Variants in RBFOX2 observed in about 807,000 individuals in gnomAD.
The protein encoded by RBFOX2 is RNA binding fox-1 homolog 2, also known as RNA binding protein fox-1 homolog 2.
Under a neutral mutation model 49.1 loss-of-function variants are expected in RBFOX2, and 10 were observed. The ratio of observed to expected loss-of-function variants is 0.20; its 90% CI spans 0.13 to 0.35. The LOEUF (loss-of-function observed/expected upper bound fraction) is 0.35, where lower values mean the gene tolerates loss of function less well. RBFOX2 is among the 10% of genes least tolerant of loss of function. The pLI, the probability that RBFOX2 is intolerant of heterozygous loss-of-function variation, is 1.00. For missense variants in RBFOX2, 323 were observed against 486.9 expected (o/e 0.66, Z 3.17); for synonymous variants, 183 against 187.4 (o/e 0.98, Z 0.19).
At chr22:36,028,511 GGCGGGCGCGCGCCTGCCCCCGCCCCC>G (rs1392686448) in exon 1 of RBFOX2, 7 of 1,030,558 alleles carry the variant, frequency 6.8e-6, no homozygotes, top group Non-Finnish European at 8.1e-6. Flanking sequence ...TGTCGCGACA[GGCGGGCGCGCGCCTGCCCCCGCCCCC>G]GCGTGCGTGC....
intron 1 of RBFOX2, among the ~76,000 whole-genome samples, chr22:35,884,333 C>A (rs1459828315): frequency 1.3e-5 from 2 of 152,218 alleles, no homozygotes; most frequent in East Asian, 3.9e-4. Flanking sequence ...CATTTTCAAT[C>A]ACAGTAGCTT....
chr22:36,001,229 ACACACT>A (rs964606216), intron 1 of RBFOX2, among the ~76,000 whole-genome samples: 5 of 113,916 alleles, frequency 4.4e-5, no homozygotes, highest in South Asian at 2.7e-4. Context: ...ACACACACAC[ACACACT>A]ATATGTATAT....
intron 1 of RBFOX2, among the ~76,000 whole-genome samples, chr22:35,917,503 A>C (rs924392976): frequency 4.5e-4 from 69 of 152,382 alleles, no homozygotes; most frequent in African/African-American, 1.6e-3. Flanking sequence ...TAGCAGGCAT[A>C]GAGTTGACAA....
At chr22:35,767,539 G>A (rs1051329675) in intron 5 of RBFOX2, among the ~76,000 whole-genome samples, 1 of 152,088 alleles carries the variant, frequency 6.6e-6, no homozygotes, top group East Asian at 1.9e-4. Flanking sequence ...ATTGGGAAAG[G>A]GGAAAGGAGC....
intron 2 of RBFOX2, among the ~76,000 whole-genome samples, chr22:35,796,757 T>A (rs1948861616): frequency 6.6e-6 from 1 of 152,222 alleles, no homozygotes; most frequent in Non-Finnish European, 1.5e-5. Context: ...TACGGAGCTC[T>A]TTCAAATGTG....
chr22:35,963,100 G>T (rs1289086857), upstream of RBFOX2, among the ~76,000 whole-genome samples: 2 of 83,744 alleles, frequency 2.4e-5, no homozygotes, highest in African/African-American at 4.9e-5. Flanking sequence ...CAGGAAAGAA[G>T]AATAATTTAG....
chr22:35,818,959 T>C (rs369542535), intron 1 of RBFOX2, among the ~76,000 whole-genome samples: 9 of 152,200 alleles, frequency 5.9e-5, no homozygotes, highest in East Asian at 1.9e-4. Flanking sequence ...GATATACATA[T>C]AGTAACAGAG....
chr22:35,756,641 A>G (rs73411985), intron 9 of RBFOX2, among the ~76,000 whole-genome samples: 7,366 of 152,208 alleles, frequency 0.048, 609 homozygotes, highest in African/African-American at 0.16. Context: ...TTTTTACATT[A>G]CGTTTAAGTA....
intron 1 of RBFOX2, among the ~76,000 whole-genome samples, chr22:35,928,005 T>C (rs1038229251): frequency 1.3e-5 from 2 of 152,230 alleles, no homozygotes; most frequent in Non-Finnish European, 2.9e-5. Flanking sequence ...TTATGGCCTC[T>C]TTTCCATAAA....
chr22:35,928,245 T>C (rs1278751567), intron 1 of RBFOX2, among the ~76,000 whole-genome samples: 2 of 152,146 alleles, frequency 1.3e-5, no homozygotes, highest in East Asian at 3.9e-4. Context: ...TGTGTCTGTG[T>C]CTGTTGGGGG....
At chr22:36,022,414 GT>G (rs1210918809) in intron 1 of RBFOX2, among the ~76,000 whole-genome samples, 8 of 152,212 alleles carry the variant, frequency 5.3e-5, no homozygotes, top group Non-Finnish European at 8.8e-5. Flanking sequence ...ATGGGAGGGA[GT>G]TGGGAGACAA....
chr22:35,774,462 T>A (rs1353794857), intron 4 of RBFOX2, among the ~76,000 whole-genome samples: 1 of 152,158 alleles, frequency 6.6e-6, no homozygotes, highest in Non-Finnish European at 1.5e-5. Context: ...TCTATCTCTG[T>A]TTCAGTTAAT....
upstream of RBFOX2, among the ~76,000 whole-genome samples, chr22:35,842,632 C>T (rs2040651229): frequency 6.6e-6 from 1 of 152,098 alleles, no homozygotes; most frequent in South Asian, 2.1e-4. Context: ...TCTGAATCCT[C>T]TGGTTTATTA....
At chr22:35,786,594 A>C (rs1946445174) in intron 2 of RBFOX2, among the ~76,000 whole-genome samples, 1 of 152,080 alleles carries the variant, frequency 6.6e-6, no homozygotes, top group African/African-American at 2.4e-5. Context: ...CTGACTTCTA[A>C]CTCTAGGCCT....
intron 1 of RBFOX2, among the ~76,000 whole-genome samples, chr22:35,929,652 A>AT (rs904441440): frequency 2.0e-5 from 3 of 151,960 alleles, no homozygotes; most frequent in Admixed American, 2.0e-4. Context: ...AAAAGCGACC[A>AT]TTTTTTTTGT....
intron 1 of RBFOX2, among the ~76,000 whole-genome samples, chr22:36,014,864 A>G (rs909578117): frequency 5.3e-5 from 8 of 152,230 alleles, no homozygotes; most frequent in Non-Finnish European, 1.2e-4. Context: ...GGGCTACTAC[A>G]TGCACTTAAC....
intron 1 of RBFOX2, among the ~76,000 whole-genome samples, chr22:35,859,259 C>A (rs1306120924): frequency 2.0e-5 from 3 of 152,086 alleles, no homozygotes; most frequent in Non-Finnish European, 4.4e-5. Flanking sequence ...TTTAAAAAAA[C>A]TAGCGGGAGT....
intron 9 of RBFOX2, among the ~76,000 whole-genome samples, chr22:35,756,807 C>A (rs1413302229): frequency 6.6e-6 from 1 of 151,810 alleles, no homozygotes; most frequent in Non-Finnish European, 1.5e-5. Flanking sequence ...AATGCAACAC[C>A]TCAGAAAAAC....
chr22:35,854,590 T>C (rs370919497), intron 1 of RBFOX2, among the ~76,000 whole-genome samples: 11 of 150,850 alleles, frequency 7.3e-5, no homozygotes, highest in African/African-American at 2.7e-4. Flanking sequence ...CAAGACCCTG[T>C]CTCTTGAAAA....
Sources: gnomAD v4.1 joint callset for allele counts (sites outside exome capture counted in the v4.1 genomes callset) on GRCh38, gnomAD v4.1.1 for gene constraint, MANE v1.5 for transcripts, NCBI Gene and HGNC (gene_info 2026-07-23, HGNC 2026-07-21) for gene names.